The following CACNA1C variants were observed in gnomAD, a reference collection of about 807,000 sequenced individuals.
CACNA1C encodes calcium voltage-gated channel subunit alpha1 C.
A neutral mutation model predicts 229.0 loss-of-function variants in CACNA1C; 30 were observed. The observed-to-expected ratio is 0.13, with a 90% CI of 0.10 to 0.18. The LOEUF is 0.18. CACNA1C is among the 10% of genes least tolerant of loss of function. The probability of loss-of-function intolerance (pLI) is 1.00; values close to 1 mark genes in which losing one functional copy is unlikely to be tolerated. For missense variants in CACNA1C, 1,658 were observed against 2,845.0 expected, an observed-to-expected ratio of 0.58 and a Z score of 9.49; for synonymous variants, 1,114 against 1,132.5, an observed-to-expected ratio of 0.98 and a Z score of 0.33.
chr12:2,269,686 G>C (rs947819985), intron 3 of CACNA1C: 4 of 152,188 alleles, frequency 2.6e-5, no homozygotes, highest in African/African-American at 9.7e-5. Context: ...ATAGGAAACA[G>C]AATTCTACAC....
intron 3 of CACNA1C, among the ~76,000 whole-genome samples, chr12:2,301,100 G>T (rs2094523693): frequency 6.6e-6 from 1 of 152,176 alleles, no homozygotes; most frequent in African/African-American, 2.4e-5. Flanking sequence ...CCTCAGGGCG[G>T]CATCTGCCCA....
At chr12:2,253,643 G>T (rs532732482) in intron 3 of CACNA1C, among the ~76,000 whole-genome samples, 10 of 152,146 alleles carry the variant, frequency 6.6e-5, no homozygotes, top group African/African-American at 1.9e-4. Flanking sequence ...TACCTTCCTC[G>T]CAGGAGGGTG....
At chr12:2,471,865 G>C (rs975181676) in intron 5 of CACNA1C, among the ~76,000 whole-genome samples, 3 of 152,158 alleles carry the variant, frequency 2.0e-5, no homozygotes, top group Admixed American at 6.5e-5. Context: ...ATTTTTAATA[G>C]AGACGGGGTT....
chr12:2,432,569 A>G (rs1217635474), intron 3 of CACNA1C, among the ~76,000 whole-genome samples: 1 of 152,118 alleles, frequency 6.6e-6, no homozygotes, highest in Non-Finnish European at 1.5e-5. Context: ...GGCCGGGGCT[A>G]AGGGAGTTGG....
At chr12:2,581,458 C>G in intron 13 of CACNA1C, 132 bp from the exon 14 acceptor site, 1 of 759,806 alleles carries the variant, frequency 1.3e-6, no homozygotes, top group Admixed American at 2.9e-5. Flanking sequence ...AACACGCATC[C>G]CCCACGGGCA....
At position 2,605,829 on chromosome 12, in the gene CACNA1C, A is replaced by C; in HGVS notation, c.3156+43A>C. On this transcript the variant is annotated intron_variant, in intron 24 of 46. Transcript: ENST00000399655. The surrounding 1 kb of genome is among the most constrained non-coding windows in gnomAD (Gnocchi z 6.2). ...TTGTGGTCCTCCTACCTCCCCTCCC[A>C]TCAGCATTCCTGGGGAAGGGAACTG... is the stretch of plus-strand genomic sequence containing the variant. 4.7e-6 allele frequency: 6 copies of C among 1,268,448 alleles called. No individual in the cohort carries two copies. Among genetic ancestry groups the C allele is most frequent in the Middle Eastern group, 1.9e-4 (1 of 5,356 alleles). The allele number at this position is 1,268,448 out of a possible 1,614,324, so 78.6% of individuals were successfully genotyped here.
At chr12:2,213,926 G>A (rs949052959) in intron 3 of CACNA1C, among the ~76,000 whole-genome samples, 4 of 152,228 alleles carry the variant, frequency 2.6e-5, no homozygotes, top group African/African-American at 9.6e-5. Flanking sequence ...ATTTGAGCCG[G>A]TTTTTACAGC....
chr12:2,254,598 G>T (rs1398486822), intron 3 of CACNA1C, among the ~76,000 whole-genome samples: 1 of 152,282 alleles, frequency 6.6e-6, no homozygotes, highest in African/African-American at 2.4e-5. Context: ...CAGGGTCCAG[G>T]CTTCCCCTTC....
intron 3 of CACNA1C, among the ~76,000 whole-genome samples, chr12:2,172,191 A>T (rs1038406229): frequency 6.6e-6 from 1 of 152,222 alleles, no homozygotes; most frequent in East Asian, 1.9e-4. Flanking sequence ...TGAAGCAACC[A>T]GGAGCTTGAG....
At chr12:2,230,606 C>T (rs1362716984) in intron 3 of CACNA1C, among the ~76,000 whole-genome samples, 3 of 152,226 alleles carry the variant, frequency 2.0e-5, no homozygotes, top group African/African-American at 7.2e-5. Context: ...CCCTGCTGAC[C>T]GGGCTCTTCC....
intron 3 of CACNA1C, among the ~76,000 whole-genome samples, chr12:2,193,276 G>A (rs978519994): frequency 1.3e-5 from 2 of 152,216 alleles, no homozygotes; most frequent in East Asian, 1.9e-4. Context: ...GAAACATGGC[G>A]AAACCCTGTC....
intron 3 of CACNA1C, among the ~76,000 whole-genome samples, chr12:2,352,562 C>A (rs751712110): frequency 4.6e-5 from 7 of 152,032 alleles, no homozygotes; most frequent in Non-Finnish European, 8.8e-5. Context: ...GCTGGTTACC[C>A]CCAAGGATGC....
chr12:2,409,881 C>T (rs970755325), intron 3 of CACNA1C, among the ~76,000 whole-genome samples: 2 of 152,210 alleles, frequency 1.3e-5, no homozygotes, highest in South Asian at 4.1e-4. Context: ...TACACAGTCC[C>T]TCTCAGGTCA....
chr12:2,175,965 A>T (rs1279832528), intron 3 of CACNA1C, among the ~76,000 whole-genome samples: 1 of 152,196 alleles, frequency 6.6e-6, no homozygotes, highest in Non-Finnish European at 1.5e-5. Flanking sequence ...TGAACAAAAC[A>T]GATAAAAATC....
chr12:2,397,635 CAG>C (rs1213588559), intron 3 of CACNA1C, among the ~76,000 whole-genome samples: 1 of 152,234 alleles, frequency 6.6e-6, no homozygotes, highest in Non-Finnish European at 1.5e-5. Context: ...TGGCACAAAA[CAG>C]AGGCCCAATA....
intron 3 of CACNA1C, among the ~76,000 whole-genome samples, chr12:2,128,833 A>G (rs553254149): frequency 3.9e-4 from 60 of 152,354 alleles, no homozygotes; most frequent in African/African-American, 1.3e-3. Flanking sequence ...GCGTTTAAAC[A>G]TGATTATAGC....
intron 3 of CACNA1C, among the ~76,000 whole-genome samples, chr12:2,337,830 G>A (rs1427522173): frequency 1.3e-5 from 2 of 152,188 alleles, no homozygotes; most frequent in African/African-American, 4.8e-5. Context: ...CCTGAACCAG[G>A]CACTTTGCCC....
Position 2,106,084 on chromosome 12 carries a change from T to TG in CACNA1C, c.50-9137dup, listed in dbSNP as rs1379672195. 2.3e-3 allele frequency among the ~76,000 whole-genome samples: 105 copies of TG among 46,618 alleles called. 18 individuals are homozygous for TG. The highest frequency in any genetic ancestry group is 6.6e-3 in the African/African-American group (98 of 14,958). 30.6% of individuals were successfully genotyped at this position (46,618 alleles called of 152,430 possible). A position where few individuals can be genotyped will look rare whatever the true frequency, so the allele number is the denominator to read the frequency against. ...CCCTGGAGAAGGTTTCCACCTCAGC[T>TG]GGGCGTCCTGAAGCCACTGGGCGCC... On this transcript the variant is annotated intron_variant, in intron 1 of 46. Transcript: ENST00000399655.
intron 3 of CACNA1C, among the ~76,000 whole-genome samples, chr12:2,240,430 G>A (rs1345115472): frequency 6.6e-6 from 1 of 152,220 alleles, no homozygotes; most frequent in African/African-American, 2.4e-5. Context: ...TGGGGTCTGT[G>A]ATGTGTGAAG....
Sources: allele counts gnomAD v4.1 joint callset (sites outside exome capture counted in the v4.1 genomes callset), GRCh38; gene constraint gnomAD v4.1.1; non-coding constraint Gnocchi (gnomAD v3.1); transcripts MANE v1.5; gene names NCBI Gene and HGNC (gene_info 2026-07-23, HGNC 2026-07-21).